PIK3C2G: variants seen among roughly 807,000 people sequenced by gnomAD.
PIK3C2G encodes phosphatidylinositol 3-kinase C2 domain-containing subunit gamma.
PIK3C2G carries 168 observed loss-of-function variants against 181.1 expected under a neutral mutation model. The ratio of observed to expected loss-of-function variants is 0.93; its 90% CI spans 0.82 to 1.05. The LOEUF is 1.05. Ranked by LOEUF, PIK3C2G falls within the 50% of genes least tolerant of loss-of-function variation. The pLI, the probability that PIK3C2G is intolerant of heterozygous loss-of-function variation, is 0.00. For synonymous variants in PIK3C2G, 573 were observed against 592.2 expected (o/e 0.97, Z 0.47); for missense variants, 1,869 against 1,732.8 (o/e 1.08, Z -1.40).
rs952151593 is a variant in PIK3C2G, at chr12:18,551,128, A to G, written c.3590+4696A>G. ...AGTAAAATTGGTTTGCTGGCCACAA[A>G]TGCTTTTCACATCATCATCAACTAC... is the stretch of plus-strand genomic sequence containing the variant. On this transcript the variant is annotated intron_variant, in intron 26 of 32. Coordinates refer to ENST00000538779, the MANE Select transcript of PIK3C2G (RefSeq NM_001288772.2). 9.9e-5 allele frequency among the ~76,000 whole-genome samples: 15 copies of G among 151,998 alleles called. No individual in the cohort carries two copies. In the South Asian group the frequency reaches 3.1e-3, roughly 31 times the overall value.
At chr12:18,684,752 G>C in the PIK3C2G span, among the ~76,000 whole-genome samples, 28 of 152,138 alleles carry the variant, frequency 1.8e-4, no homozygotes, top group East Asian at 3.7e-3. Flanking sequence ...CTAAGTCCTT[G>C]ATATGGTTAA....
chr12:18,631,167 G>A lies in PIK3C2G; in HGVS notation c.4183-9262G>A, dbSNP rs758803491. 5.3e-5 allele frequency among the ~76,000 whole-genome samples: 8 copies of A among 152,104 alleles called. 1 individual carries two copies. The East Asian group carries it at 1.3e-3, about 26-fold the overall frequency. On this transcript the variant is annotated intron_variant, in intron 31 of 32. Transcript: ENST00000538779. ...TTGAGACTTTGAAGGAAGAGGATAC[G>A]ATGCTAGTAAGAAGAAAAACAAATT...
At chr12:18,403,182 G>A (rs1944347909) in intron 16 of PIK3C2G, among the ~76,000 whole-genome samples, 1 of 152,062 alleles carries the variant, frequency 6.6e-6, no homozygotes, top group South Asian at 2.1e-4. Flanking sequence ...ACTTCACTGT[G>A]TAATTTCTTT....
chr12:18,265,053 G>C (rs1214496377), intron 1 of PIK3C2G, among the ~76,000 whole-genome samples: 1 of 152,106 alleles, frequency 6.6e-6, no homozygotes, highest in African/African-American at 2.4e-5. Flanking sequence ...ATAAGCATCA[G>C]CTTGATTATT....
upstream of PIK3C2G, among the ~76,000 whole-genome samples, chr12:18,247,378 C>T (rs1374993106): frequency 2.0e-5 from 3 of 152,052 alleles, no homozygotes; most frequent in South Asian, 2.1e-4. Flanking sequence ...TGTTTGTTGT[C>T]GCGTGCCAGA....
the PIK3C2G span, among the ~76,000 whole-genome samples, chr12:18,718,428 T>A: frequency 7.2e-5 from 11 of 152,100 alleles, no homozygotes; most frequent in African/African-American, 2.7e-4. Context: ...GGATAAAATC[T>A]ATTCTCCTCT....
intron 1 of PIK3C2G, chr12:18,248,155 C>T (rs1948059789): frequency 1.3e-5 from 2 of 152,166 alleles, no homozygotes; most frequent in African/African-American, 4.8e-5. Context: ...TGTCTCAAGT[C>T]AACTGTACCC....
chr12:18,374,261 T>C (rs1014850305), intron 13 of PIK3C2G, among the ~76,000 whole-genome samples: 4 of 152,138 alleles, frequency 2.6e-5, no homozygotes, highest in African/African-American at 9.7e-5. Context: ...AGGATGTTTT[T>C]CATAATTTCA....
intron 24 of PIK3C2G, among the ~76,000 whole-genome samples, chr12:18,508,978 A>G (rs983320795): frequency 6.6e-6 from 1 of 152,182 alleles, no homozygotes; most frequent in Admixed American, 6.5e-5. Context: ...TCTTAAAAAC[A>G]TGGAAGGGAA....
At chr12:18,441,972 A>C in intron 18 of PIK3C2G, among the ~76,000 whole-genome samples, 1 of 152,176 alleles carries the variant, frequency 6.6e-6, no homozygotes, top group East Asian at 1.9e-4. Flanking sequence ...AGATATAAAA[A>C]TATGAAACTT....
At position 18,605,194 on chromosome 12, in the gene PIK3C2G, A is replaced by G. The variant is rs80037901; in HGVS notation, c.4088-4341A>G. ...CCAAATAACTTCATGGAGAAATGAA[A>G]CGGGAGATATTACAACAGATACCAC... On this transcript the variant is annotated intron_variant, in intron 30 of 32. Coordinates refer to ENST00000538779, the MANE Select transcript of PIK3C2G (RefSeq NM_001288772.2). Among the ~76,000 whole-genome samples the G allele has an allele frequency of 1.9e-3, 282 of 152,328 alleles. 4 individuals are homozygous for G. In the East Asian group the frequency reaches 0.036, roughly 19 times the overall value.
chr12:18,562,354 G>A (rs978810284), intron 26 of PIK3C2G, among the ~76,000 whole-genome samples: 3 of 152,104 alleles, frequency 2.0e-5, no homozygotes, highest in African/African-American at 7.2e-5. Context: ...GGCTGGTCTC[G>A]ATCTCCTGAC....
At chr12:18,685,133 C>G in the PIK3C2G span, among the ~76,000 whole-genome samples, 2 of 151,984 alleles carry the variant, frequency 1.3e-5, no homozygotes, top group African/African-American at 4.8e-5. Context: ...GGAAGAGTTC[C>G]ATACTTAGTT....
intron 1 of PIK3C2G, among the ~76,000 whole-genome samples, chr12:18,254,686 T>C (rs1281551363): frequency 1.3e-5 from 2 of 151,098 alleles, no homozygotes; most frequent in African/African-American, 4.9e-5. Context: ...GTACTAAAAG[T>C]GCAAAAATTA....
chr12:18,681,089 T>C, the PIK3C2G span, among the ~76,000 whole-genome samples: 1 of 151,952 alleles, frequency 6.6e-6, no homozygotes, highest in Non-Finnish European at 1.5e-5. Context: ...TGGTACAGAG[T>C]GGCTGTGTCC....
intron 18 of PIK3C2G, among the ~76,000 whole-genome samples, chr12:18,438,856 A>G (rs996977813): frequency 6.6e-6 from 1 of 151,964 alleles, no homozygotes; most frequent in Non-Finnish European, 1.5e-5. Context: ...TACAAGAAAT[A>G]CAATTGGGCT....
chr12:18,614,179 G>A (rs1460935316), intron 31 of PIK3C2G, among the ~76,000 whole-genome samples: 6 of 151,792 alleles, frequency 4.0e-5, no homozygotes, highest in African/African-American at 7.2e-5. Flanking sequence ...CCTTCATTCC[G>A]TGAATGAAAA....
chr12:18,551,570 A>G (rs1944730354), intron 26 of PIK3C2G, among the ~76,000 whole-genome samples: 1 of 152,120 alleles, frequency 6.6e-6, no homozygotes, highest in Admixed American at 6.6e-5. Context: ...TAAGTATATG[A>G]TCTGCTCGTC....
the PIK3C2G span, among the ~76,000 whole-genome samples, chr12:18,657,931 C>T: frequency 6.6e-6 from 1 of 151,934 alleles, no homozygotes; most frequent in Non-Finnish European, 1.5e-5. Context: ...AAGGAAACCA[C>T]ATACAAAGAA....
Sources: allele counts gnomAD v4.1 joint callset (sites outside exome capture counted in the v4.1 genomes callset), GRCh38; gene constraint gnomAD v4.1.1; transcripts MANE v1.5; gene names NCBI Gene and HGNC (gene_info 2026-07-23, HGNC 2026-07-21).